Variants in CES3 observed in about 807,000 individuals in gnomAD.
CES3 encodes carboxylesterase 3 (brain).
A neutral mutation model predicts 57.6 loss-of-function variants in CES3; 49 were observed. That is an observed-to-expected ratio of 0.85 (90% CI 0.68 to 1.08). The LOEUF (loss-of-function observed/expected upper bound fraction) is 1.08, where lower values mean the gene tolerates loss of function less well. Ranked by LOEUF, CES3 falls within the 50% of genes least tolerant of loss-of-function variation. The probability of loss-of-function intolerance (pLI) is 0.00; values close to 1 mark genes in which losing one functional copy is unlikely to be tolerated. For missense variants in CES3, 645 were observed against 742.0 expected, an observed-to-expected ratio of 0.87 and a Z score of 1.52; for synonymous variants, 266 against 281.6, an observed-to-expected ratio of 0.94 and a Z score of 0.55.
At chr16:66,962,523 C>G (rs1017112311) in intron 1 of CES3, among the ~76,000 whole-genome samples, 1 of 152,218 alleles carries the variant, frequency 6.6e-6, no homozygotes, top group African/African-American at 2.4e-5. Context: ...CTTGGGGAGG[C>G]TGAGGTGAAA....
chr16:66,964,391 T>G lies in CES3; in HGVS notation c.595T>G (p.Phe199Val). 6.2e-7 allele frequency: 1 copy of G among 1,614,110 alleles called. No individual in the cohort carries two copies. Residue 199 changes from phenylalanine to valine, a missense_variant, in exon 5 of 13, where the codon TTC becomes GTC. By Grantham distance (50) the Phe-to-Val change is conservative. Transcript: ENST00000303334. ...GDEHAPGNQG[F>V]LDVVAALRWV... Reference sequence around the variant, plus strand: ...TGAGCATGCACCTGGCAACCAGGGCTTCCTAGATGTGGTAGCTGCTTTGCG... The same window carrying G: ...TGAGCATGCACCTGGCAACCAGGGCGTCCTAGATGTGGTAGCTGCTTTGCG...
At chr16:66,967,398 T>A (rs1386825210) in intron 8 of CES3, 1 of 642,540 alleles carries the variant, frequency 1.6e-6, no homozygotes, top group African/African-American at 2.0e-5. Flanking sequence ...AAACTGGCCT[T>A]CTGGGCACTG....
At chr16:66,971,066 A>G (rs1963823260) in intron 9 of CES3, 106 bp from the exon 10 acceptor site, 4 of 1,299,528 alleles carry the variant, frequency 3.1e-6, no homozygotes, top group African/African-American at 1.5e-5. Context: ...CTGGACCATC[A>G]GCCCTGGGAT....
chr16:66,964,705 C>G lies in CES3; in HGVS notation c.797C>G (p.Ser266Cys), dbSNP rs745469910. 6.2e-7 allele frequency: 1 copy of G among 1,614,058 alleles called. No homozygotes were observed. The highest frequency in any genetic ancestry group is 8.5e-7 in the Non-Finnish European group (1 of 1,179,960). Reference sequence around the variant, plus strand: ...ATCACCACCCCAGGGATCATCGACTCTCACCCTTGGCCCCTAGCTCAGGTC... The same window carrying G: ...ATCACCACCCCAGGGATCATCGACTGTCACCCTTGGCCCCTAGCTCAGGTC... ...GVITTPGIID[S>C]HPWPLAQKIA... is the part of the protein sequence containing the mutation. Residue 266 changes from serine to cysteine, a missense_variant, in exon 6 of 13, where the codon TCT becomes TGT. Ser to Cys is a moderately radical substitution (Grantham distance 112, BLOSUM62 -1). Transcript: ENST00000303334.
rs1384272610 is a variant in CES3, at chr16:66,974,005, G to T, written c.*956G>T. On this transcript the variant is annotated 3_prime_UTR_variant, in exon 13 of 13. Coordinates refer to ENST00000303334, the MANE Select transcript of CES3 (RefSeq NM_024922.6). ...GGCCAGGGGAGGGCATCTGGACCAG[G>T]GCATCCGTCGGGCTATTGTCACAGA... 1 of 152,434 alleles carries T rather than the reference G, an allele frequency of 6.6e-6. No homozygotes were observed. The highest frequency in any genetic ancestry group is 1.5e-5 in the Non-Finnish European group (1 of 68,298). 9.4% of individuals were successfully genotyped at this position (152,434 alleles called of 1,614,324 possible).
chr16:66,964,004 G>T (rs1405224326), intron 4 of CES3, 69 bp downstream of exon 4: 1 of 1,583,498 alleles, frequency 6.3e-7, no homozygotes, highest in Non-Finnish European at 8.6e-7. Flanking sequence ...AGCAACTGGG[G>T]ATCTAGGTTG....
Position 66,972,413 on chromosome 16 carries a change from A to G in CES3, c.1349A>G (p.Lys450Arg). The change falls in exon 11 of 13, where the codon AAG becomes AGG. Residue 450 changes from lysine (K) to arginine (R), a missense_variant. By Grantham distance (26) the Lys-to-Arg change is conservative (BLOSUM62 2). Coordinates refer to ENST00000303334, the MANE Select transcript of CES3 (RefSeq NM_024922.6). ...CAGCATCGACCCAGTTCTTTTGCGAAGATCAAACCTGCCTGGGTGAAGGCT... is the reference window on the plus strand; with the variant it reads ...CAGCATCGACCCAGTTCTTTTGCGAGGATCAAACCTGCCTGGGTGAAGGCT... ...EFQHRPSSFA[K>R]IKPAWVKADH... is the part of the protein sequence containing the mutation. The G allele has an allele frequency of 6.2e-7, 1 of 1,613,430 alleles. No individual in the cohort carries two copies. Among genetic ancestry groups the G allele is most frequent in the Non-Finnish European group, 8.5e-7 (1 of 1,179,792 alleles).
At chr16:66,969,603 A>G in intron 8 of CES3, 76 bp from the exon 9 acceptor site, 1 of 1,425,104 alleles carries the variant, frequency 7.0e-7, no homozygotes, top group Non-Finnish European at 9.7e-7. Context: ...GACCGTGAAC[A>G]CTCTCTTGCC....
At chr16:66,961,419 T>C in intron 1 of CES3, 30 bp downstream of exon 1, 2 of 1,579,254 alleles carry the variant, frequency 1.3e-6, no homozygotes, top group Non-Finnish European at 8.7e-7. Flanking sequence ...CCTGCAGAGG[T>C]ACTTGGTGTG....
chr16:66,961,421 C>G, intron 1 of CES3, 32 bp downstream of exon 1: 4 of 1,573,092 alleles, frequency 2.5e-6, no homozygotes, highest in Non-Finnish European at 3.5e-6. Flanking sequence ...TGCAGAGGTA[C>G]TTGGTGTGGA....
At chr16:66,966,164 C>A (rs944708549) in intron 6 of CES3, 80 bp from the exon 7 acceptor site, 5 of 1,266,632 alleles carry the variant, frequency 3.9e-6, no homozygotes, top group Non-Finnish European at 5.6e-6. Context: ...TACAGATGCA[C>A]CCTCTCTGTG....
At chr16:66,966,983 G>C in intron 8 of CES3, 118 bp downstream of exon 8, 2 of 1,230,976 alleles carry the variant, frequency 1.6e-6, no homozygotes, top group Non-Finnish European at 2.3e-6. Context: ...TTTGATAAGT[G>C]AGAAAGCAGA....
intron 6 of CES3, 37 bp from the exon 7 acceptor site, chr16:66,966,207 G>A (rs760764647): frequency 1.3e-5 from 21 of 1,591,146 alleles, no homozygotes; most frequent in Non-Finnish European, 1.5e-5. Flanking sequence ...GGGCTGAGTG[G>A]CTGAGAGGGA....
In CES3 at chr16:66,963,115, C is replaced by G. The variant is rs1482294936; in HGVS notation, c.83-64C>G. ...TACTGAGAACAGCCTGAGGGTTTGT[C>G]TTTCACTCCTTCCCCTCATGGGGGC... On this transcript the variant is annotated intron_variant, in intron 1 of 12. Transcript: ENST00000303334. This position sits in a 1 kb window ranked among gnomAD's most constrained non-coding sequence, Gnocchi z 4.9. 1.3e-6 allele frequency: 2 copies of G among 1,535,048 alleles called. No individual in the cohort carries two copies. The highest frequency in any genetic ancestry group is 1.8e-6 in the Non-Finnish European group (2 of 1,108,500).
At chr16:66,967,630 T>G in intron 8 of CES3, 1 of 985,426 alleles carries the variant, frequency 1.0e-6, no homozygotes, top group Non-Finnish European at 1.2e-6. Flanking sequence ...AGCATCTTGT[T>G]TCTGTCATTC....
chr16:66,966,128 A>T, intron 6 of CES3, 116 bp from the exon 7 acceptor site: 1 of 899,588 alleles, frequency 1.1e-6, no homozygotes, highest in East Asian at 2.5e-5. Flanking sequence ...CTCGAGGCCG[A>T]TCTGTGACAT....
Position 66,972,923 on chromosome 16 carries a change from C to T in CES3, c.1590C>T (p.Asn530=), listed in dbSNP as rs560521593. 1 of 1,614,182 alleles carries T rather than the reference C, an allele frequency of 6.2e-7. No homozygotes were observed. The highest frequency in any genetic ancestry group is 8.5e-7 in the Non-Finnish European group (1 of 1,180,024). ...AGGCGGAACAATATCTGGAGATCAA[C>T]CCAGTGCCACGGGCCGGACAGAAGT... The part of the protein sequence containing the change: ...FNQAEQYLEI[N]PVPRAGQKFR... Residue 530 remains asparagine (N), a synonymous_variant, in exon 13 of 13, where the codon AAC becomes AAT. Coordinates refer to ENST00000303334, the MANE Select transcript of CES3 (RefSeq NM_024922.6).
chr16:66,963,101 G>A lies in CES3; in HGVS notation c.83-78G>A, dbSNP rs1359692056. 3.4e-6 allele frequency: 5 copies of A among 1,452,358 alleles called. No individual in the cohort carries two copies. The highest frequency in any genetic ancestry group is 3.9e-6 in the Non-Finnish European group (4 of 1,036,266). The allele number at this position is 1,452,358 out of a possible 1,614,324, so 90.0% of individuals were successfully genotyped here. A position where few individuals can be genotyped will look rare whatever the true frequency, so the allele number is the denominator to read the frequency against. On this transcript the variant is annotated intron_variant, in intron 1 of 12. Coordinates refer to ENST00000303334, the MANE Select transcript of CES3 (RefSeq NM_024922.6). The surrounding 1 kb of genome is among the most constrained non-coding windows in gnomAD (Gnocchi z 4.9). ...TGCTGTGTGGTAAGTACTGAGAACA[G>A]CCTGAGGGTTTGTCTTTCACTCCTT... is the stretch of plus-strand genomic sequence containing the variant.
intron 6 of CES3, among the ~76,000 whole-genome samples, chr16:66,965,349 T>A (rs1963714497): frequency 6.6e-6 from 1 of 151,902 alleles, no homozygotes. Flanking sequence ...GTCCTGAAGA[T>A]CAAGACACCA....
Sources: allele counts gnomAD v4.1 joint callset (sites outside exome capture counted in the v4.1 genomes callset), GRCh38; gene constraint gnomAD v4.1.1; non-coding constraint Gnocchi (gnomAD v3.1); transcripts MANE v1.5; gene names NCBI Gene and HGNC (gene_info 2026-07-23, HGNC 2026-07-21).